Variants in VWCE observed in about 807,000 individuals in gnomAD.
VWCE encodes the protein von Willebrand factor C and EGF domain-containing protein.
A neutral mutation model predicts 102.9 loss-of-function variants in VWCE; 68 were observed. That is an observed-to-expected ratio of 0.66 (90% CI 0.54 to 0.81). The LOEUF is 0.81. Among genes scored for constraint, VWCE ranks in the 30% least tolerant of loss-of-function variants. The pLI, the probability that VWCE is intolerant of heterozygous loss-of-function variation, is 0.00. For missense variants in VWCE, 1,137 were observed against 1,263.6 expected (o/e 0.90, Z 1.52); for synonymous variants, 497 against 515.4 (o/e 0.96, Z 0.48).
intron 4 of VWCE, 146 bp from the exon 5 acceptor site, chr11:61,286,576 A>G (rs1855335780): frequency 4.5e-6 from 3 of 673,432 alleles, no homozygotes; most frequent in African/African-American, 1.8e-5. Context: ...GCCGAGGCCC[A>G]TGGATCACCA....
At chr11:61,265,272 G>C (rs1854478980) in intron 16 of VWCE, 60 bp from the exon 17 acceptor site, 3 of 1,387,920 alleles carry the variant, frequency 2.2e-6, no homozygotes, top group Non-Finnish European at 2.9e-6. Context: ...AGACACTCAG[G>C]AAGATGCCGC....
Position 61,293,241 on chromosome 11 carries a change from C to CAAAAAAAAAAAAA in VWCE, c.110+1674_111-1666dup, listed in dbSNP as rs764741197. Among the ~76,000 whole-genome samples the CAAAAAAAAAAAAA allele has an allele frequency of 1.1e-4, 2 of 18,028 alleles. 1 individual carries two copies. The highest frequency in any genetic ancestry group is 3.9e-4 in the African/African-American group (2 of 5,128). The allele number at this position is 18,028 out of a possible 152,430, so 11.8% of individuals were successfully genotyped here. On this transcript the variant is annotated intron_variant, in intron 1 of 19. Coordinates refer to ENST00000335613, the MANE Select transcript of VWCE (RefSeq NM_152718.2). ...GGGCAACAAGAGCAAAACTCCATCT[C>CAAAAAAAAAAAAA]AAAAAAAAAAAAAAAAAAAAAAAAA...
chr11:61,271,543 G>C (rs1409449940), intron 14 of VWCE, 132 bp downstream of exon 14: 5 of 786,570 alleles, frequency 6.4e-6, no homozygotes, highest in South Asian at 1.6e-5. Context: ...TGTGAAAGTG[G>C]AACTTGACAG....
In VWCE at chr11:61,282,828, T is replaced by C; in HGVS notation, c.619A>G (p.Thr207Ala). The C allele has an allele frequency of 6.2e-7, 1 of 1,614,214 alleles. No individual in the cohort carries two copies. The change falls in exon 6 of 20, where the codon ACT (threonine) becomes GCT (alanine). Residue 207 changes from threonine (T) to alanine (A), a missense_variant. Physicochemically the swap from Thr to Ala is moderately conservative, Grantham distance 58. This residue lies in a region of VWCE where 575 missense variants were observed against 625.9 expected (regional missense o/e 0.92). Transcript: ENST00000335613. ...SIGSYKCSCR[T>A]GFHLHGNRHS... ...CGGTTGCCATGAAGGTGGAAGCCAGTTCGACAGGAACACTTGTAGCTGCCA... is the reference window on the plus strand; with the variant it reads ...CGGTTGCCATGAAGGTGGAAGCCAGCTCGACAGGAACACTTGTAGCTGCCA...
rs1165628581 is a variant in VWCE, at chr11:61,281,862, G to A, written c.711C>T (p.Cys237=). The change falls in exon 7 of 20, where the codon TGC becomes TGT. Residue 237 remains cysteine (C), a synonymous_variant. Coordinates refer to ENST00000335613, the MANE Select transcript of VWCE (RefSeq NM_152718.2). ...PLERRVCHHS[C]HNTVGSFLCT... Reference sequence around the variant, plus strand: ...ATAGGAAGCTGCCCACGGTGTTGTGGCAGGAATGGTGACAGACTCGCCTCT... The same window carrying A: ...ATAGGAAGCTGCCCACGGTGTTGTGACAGGAATGGTGACAGACTCGCCTCT... 2 of 1,613,796 alleles carry A rather than the reference G, an allele frequency of 1.2e-6. No individual in the cohort carries two copies. Among genetic ancestry groups the A allele is most frequent in the African/African-American group, 2.7e-5 (2 of 74,944 alleles).
rs201545620 is a variant in VWCE, at chr11:61,265,561, C to T, written c.1966-349G>A. Among the ~76,000 whole-genome samples, 7 of 152,300 alleles carry T rather than the reference C, an allele frequency of 4.6e-5. No individual in the cohort carries two copies. The East Asian group carries it at 1.2e-3, about 25-fold the overall frequency. On this transcript the variant is annotated intron_variant, in intron 16 of 19. Coordinates refer to ENST00000335613, the MANE Select transcript of VWCE (RefSeq NM_152718.2). ...CGAGGCTGAGAACAACTAGGGCCTA[C>T]GTGCAGTGGGTCACTCAGGGTAAGT...
At chr11:61,261,804 CAA>C (rs34361479) in intron 19 of VWCE, among the ~76,000 whole-genome samples, 23 of 116,682 alleles carry the variant, frequency 2.0e-4, no homozygotes, top group Admixed American at 2.7e-4. Context: ...GACCCTGTCT[CAA>C]AAAAAAAAAA....
At chr11:61,272,837 C>T (rs1199525826) in intron 13 of VWCE, among the ~76,000 whole-genome samples, 2 of 151,836 alleles carry the variant, frequency 1.3e-5, no homozygotes, top group South Asian at 2.1e-4. Context: ...GATGCATGCT[C>T]ACCCAGGCAC....
chr11:61,264,476 G>C lies in VWCE; in HGVS notation c.2230+11C>G. On this transcript the variant is annotated intron_variant, in intron 19 of 19. Transcript: ENST00000335613. ...TGGCGGAGAAACTCCAGGACCCAGA[G>C]ACCCACTTACCTGGACAGGAAGAGC... The C allele has an allele frequency of 6.2e-7, 1 of 1,612,322 alleles. No individual in the cohort carries two copies. Among genetic ancestry groups the C allele is most frequent in the East Asian group, 2.2e-5 (1 of 44,868 alleles).
chr11:61,278,358 A>C, intron 10 of VWCE, 36 bp downstream of exon 10: 1 of 1,610,886 alleles, frequency 6.2e-7, no homozygotes, highest in Non-Finnish European at 8.5e-7. Context: ...GGTTAAGAAA[A>C]CACCCACGAG....
intron 11 of VWCE, 59 bp downstream of exon 11, chr11:61,276,534 G>T: frequency 7.8e-7 from 1 of 1,284,134 alleles, no homozygotes; most frequent in East Asian, 2.8e-5. Context: ...AACATAGTGA[G>T]GTCTACAAAA....
chr11:61,287,893 C>T (rs1351781172), intron 4 of VWCE, among the ~76,000 whole-genome samples: 1 of 152,022 alleles, frequency 6.6e-6, no homozygotes, highest in Admixed American at 6.6e-5. Flanking sequence ...CAGTGGCTCA[C>T]GCCTGTAATC....
chr11:61,274,964 G>A (rs1369788980), intron 11 of VWCE, among the ~76,000 whole-genome samples: 1 of 152,156 alleles, frequency 6.6e-6, no homozygotes, highest in Non-Finnish European at 1.5e-5. Flanking sequence ...TCAGGAGGCT[G>A]AGGCAGGAGG....
chr11:61,263,848 T>C (rs192611816), intron 19 of VWCE, among the ~76,000 whole-genome samples: 1 of 152,282 alleles, frequency 6.6e-6, no homozygotes, highest in Non-Finnish European at 1.5e-5. Flanking sequence ...ATTACTCTTC[T>C]GCAAAACGGA....
chr11:61,274,781 G>A (rs1262659133), intron 11 of VWCE, among the ~76,000 whole-genome samples, 197 bp from the exon 12 acceptor site: 1 of 152,158 alleles, frequency 6.6e-6, no homozygotes, highest in Non-Finnish European at 1.5e-5. Flanking sequence ...CCGACAAAGG[G>A]GTGGGTGTGG....
At position 61,294,834 on chromosome 11, in the gene VWCE, G is replaced by T; in HGVS notation, c.110+94C>A. The stretch of plus-strand genomic sequence containing the variant: ...CCAGAGGAAGCCCCGACACGCGGCT[G>T]CCTGCGGCTCCTGAGCGCCCCTCCG... On this transcript the variant is annotated intron_variant, in intron 1 of 19. Transcript: ENST00000335613. The surrounding 1 kb of genome is among the most constrained non-coding windows in gnomAD (Gnocchi z 6.3). 1.2e-6 allele frequency: 1 copy of T among 841,708 alleles called. No homozygotes were observed. Among genetic ancestry groups the T allele is most frequent in the Non-Finnish European group, 1.6e-6 (1 of 612,280 alleles). The allele number at this position is 841,708 out of a possible 1,614,324, so 52.1% of individuals were successfully genotyped here.
intron 4 of VWCE, among the ~76,000 whole-genome samples, chr11:61,290,034 T>C (rs939251856): frequency 4.6e-5 from 7 of 152,234 alleles, no homozygotes; most frequent in Admixed American, 6.5e-5. Context: ...AAACTAATTA[T>C]TGAGTTTAGC....
At position 61,278,431 on chromosome 11, in the gene VWCE, G is replaced by A. The variant is rs764132366; in HGVS notation, c.1370C>T (p.Ser457Leu). ...GACGGTGCAGTTCTCATTGGGAGGT[G>A]AAAACACATCCCCTTCAGCTCGGAC... ...GVVRAEGDVF[S>L]PPNENCTVCV... Residue 457 changes from serine (S) to leucine (L), a missense_variant, in exon 10 of 20, where the codon TCA (serine) becomes TTA (leucine). This residue lies in a region of VWCE where 575 missense variants were observed against 625.9 expected (regional missense o/e 0.92). Coordinates refer to ENST00000335613, the MANE Select transcript of VWCE (RefSeq NM_152718.2). 4.3e-6 allele frequency: 7 copies of A among 1,614,052 alleles called. No homozygotes were observed. The African/African-American group carries it at 8.0e-5, about 18-fold the overall frequency.
chr11:61,269,104 A>G (rs1590622031), intron 14 of VWCE, 86 bp from the exon 15 acceptor site: 11 of 1,309,880 alleles, frequency 8.4e-6, no homozygotes, highest in South Asian at 2.5e-5. Flanking sequence ...GCAACGCTGC[A>G]AACTGGCCAA....
Sources: allele counts gnomAD v4.1 joint callset (sites outside exome capture counted in the v4.1 genomes callset), GRCh38; gene constraint gnomAD v4.1.1; regional missense constraint gnomAD v4.1.1; non-coding constraint Gnocchi (gnomAD v3.1); transcripts MANE v1.5; gene names NCBI Gene and HGNC (gene_info 2026-07-23, HGNC 2026-07-21).